RARS2: variants seen among roughly 807,000 people sequenced by gnomAD.
RARS2 encodes probable arginine--tRNA ligase, mitochondrial.
A neutral mutation model predicts 88.5 loss-of-function variants in RARS2; 67 were observed. That is an observed-to-expected ratio of 0.76 (90% CI 0.62 to 0.93). The LOEUF (loss-of-function observed/expected upper bound fraction) is 0.93. Ranked by LOEUF, RARS2 falls within the 40% of genes least tolerant of loss-of-function variation. RARS2 has a pLI of 0.00. For synonymous variants in RARS2, 239 were observed against 230.3 expected (o/e 1.04, Z -0.34); for missense variants, 664 against 684.2 (o/e 0.97, Z 0.33).
At chr6:87,550,280 T>C (rs1332175756) in intron 5 of RARS2, among the ~76,000 whole-genome samples, 2 of 152,242 alleles carry the variant, frequency 1.3e-5, no homozygotes, top group Non-Finnish European at 2.9e-5. Context: ...ATCTGGACAA[T>C]AGTCAGTGAA....
intron 4 of RARS2, among the ~76,000 whole-genome samples, 160 bp downstream of exon 4, chr6:87,562,542 T>G (rs1562211724): frequency 3.3e-5 from 5 of 151,926 alleles, no homozygotes; most frequent in Admixed American, 1.3e-4. Flanking sequence ...AAAGGATGAG[T>G]AGGTGTTAAC....
In RARS2 at chr6:87,516,945, T is replaced by G. The variant is rs997244220; in HGVS notation, c.1512-65A>C. On this transcript the variant is annotated intron_variant, in intron 17 of 19. Transcript: ENST00000369536. Reference sequence around the variant, plus strand: ...CACATTACACTAAGACATTAGACATTAAAAGATTGTGAATATAAGGTTGAC... The same window carrying G: ...CACATTACACTAAGACATTAGACATGAAAAGATTGTGAATATAAGGTTGAC... The G allele has an allele frequency of 5.0e-6, 8 of 1,600,746 alleles. No homozygotes were observed. The African/African-American group carries it at 1.1e-4, about 21-fold the overall frequency.
At chr6:87,554,685 C>T (rs556332258) in intron 5 of RARS2, among the ~76,000 whole-genome samples, 1 of 152,180 alleles carries the variant, frequency 6.6e-6, no homozygotes, top group East Asian at 1.9e-4. Flanking sequence ...AACTCTTGGC[C>T]TCAAGTGATC....
At chr6:87,537,968 T>C (rs1182146700) in intron 8 of RARS2, among the ~76,000 whole-genome samples, 3 of 152,222 alleles carry the variant, frequency 2.0e-5, no homozygotes, top group Non-Finnish European at 2.9e-5. Flanking sequence ...ATTAAATAAA[T>C]TGAGTTGTTG....
intron 8 of RARS2, among the ~76,000 whole-genome samples, chr6:87,532,488 T>G (rs1777834042): frequency 6.6e-6 from 1 of 152,230 alleles, no homozygotes; most frequent in Non-Finnish European, 1.5e-5. Context: ...ATAAAAACCT[T>G]GGACACAGGG....
intron 10 of RARS2, among the ~76,000 whole-genome samples, chr6:87,528,069 A>T (rs1776319436): frequency 6.6e-6 from 1 of 151,726 alleles, no homozygotes. Context: ...AACATAAAAA[A>T]AAAAAAAAAG....
intron 1 of RARS2, among the ~76,000 whole-genome samples, chr6:87,572,059 A>G (rs1276922367): frequency 6.6e-6 from 1 of 151,644 alleles, no homozygotes; most frequent in Non-Finnish European, 1.5e-5. Context: ...TTTCTAGAAC[A>G]GAAACATCAG....
chr6:87,573,609 T>C (rs1411588477), intron 1 of RARS2, among the ~76,000 whole-genome samples: 3 of 152,126 alleles, frequency 2.0e-5, no homozygotes, highest in Non-Finnish European at 2.9e-5. Flanking sequence ...ACAATGTAAA[T>C]GTACCTAATG....
chr6:87,516,854 GA>G lies in RARS2; in HGVS notation c.1537del (p.Ser513LeufsTer14). ...LRFDEVLYKS[S>X]QDFQPRHIVS... is the part of the protein sequence containing the mutation. ...GATATGCCTGGGTTGAAAGTCCTGA[GA>G]TGATTTATAAAGCACCTCGTCGAAC... On this transcript the variant is annotated frameshift_variant, in exon 18 of 20. Coordinates refer to ENST00000369536, the MANE Select transcript of RARS2 (RefSeq NM_020320.5). LOFTEE classifies it high-confidence loss of function. 1 of 1,613,842 alleles carries G rather than the reference GA, an allele frequency of 6.2e-7. No individual in the cohort carries two copies. The highest frequency in any genetic ancestry group is 8.5e-7 in the Non-Finnish European group (1 of 1,179,858).
At chr6:87,582,826 TCAAGAAAGC>T (rs1774018687) in intron 1 of RARS2, among the ~76,000 whole-genome samples, 1 of 152,070 alleles carries the variant, frequency 6.6e-6, no homozygotes, top group Non-Finnish European at 1.5e-5. Context: ...ATCAGCAGAG[TCAAGAAAGC>T]CGGTCTTCCT....
chr6:87,578,493 CA>C (rs149724530), intron 1 of RARS2, among the ~76,000 whole-genome samples: 10,737 of 152,178 alleles, frequency 0.071, 409 homozygotes, highest in East Asian at 0.095. Flanking sequence ...TTTCGCTTAC[CA>C]AACCACAACT....
chr6:87,583,591 A>G (rs1049225674), intron 1 of RARS2, among the ~76,000 whole-genome samples: 2 of 69,260 alleles, frequency 2.9e-5, no homozygotes, highest in African/African-American at 1.1e-4. Context: ...CTGCGTCTCA[A>G]AAAAAAAAAA....
At chr6:87,572,928 A>G (rs1770243561) in intron 1 of RARS2, among the ~76,000 whole-genome samples, 1 of 151,846 alleles carries the variant, frequency 6.6e-6, no homozygotes, top group African/African-American at 2.4e-5. Flanking sequence ...GTAAACATAT[A>G]TATATACATA....
chr6:87,518,382 A>C (rs1772520410), intron 16 of RARS2, 118 bp from the exon 17 acceptor site: 1 of 1,559,802 alleles, frequency 6.4e-7, no homozygotes, highest in Admixed American at 1.9e-5. Flanking sequence ...TAATATCCAT[A>C]CACAGTGGAG....
At chr6:87,553,726 T>G (rs539205089) in intron 5 of RARS2, among the ~76,000 whole-genome samples, 1 of 152,230 alleles carries the variant, frequency 6.6e-6, no homozygotes, top group South Asian at 2.1e-4. Context: ...ATGGCCTTAG[T>G]GTAGTTCCTC....
rs1786925968 is a variant in RARS2, at chr6:87,558,975, A to G, written c.298-3470T>C. On this transcript the variant is annotated intron_variant, in intron 4 of 19. Coordinates refer to ENST00000369536, the MANE Select transcript of RARS2 (RefSeq NM_020320.5). ...CCCCTGAAGACTTTCCAGTGGGACAAGATGTGGAGGTGAAGACAGTGATAT... is the reference window on the plus strand; with the variant it reads ...CCCCTGAAGACTTTCCAGTGGGACAGGATGTGGAGGTGAAGACAGTGATAT... Among the ~76,000 whole-genome samples, 3 of 152,208 alleles carry G rather than the reference A, an allele frequency of 2.0e-5. 1 individual carries two copies. The South Asian group carries it at 6.2e-4, about 31-fold the overall frequency.
chr6:87,575,958 C>G (rs1315670437), intron 1 of RARS2, among the ~76,000 whole-genome samples: 1 of 151,686 alleles, frequency 6.6e-6, no homozygotes, highest in Non-Finnish European at 1.5e-5. Context: ...ACCCACCATG[C>G]CCAGCTAATT....
chr6:87,537,895 G>A (rs1044468468), intron 8 of RARS2, among the ~76,000 whole-genome samples: 4 of 152,176 alleles, frequency 2.6e-5, no homozygotes, highest in Admixed American at 2.0e-4. Flanking sequence ...ATGGGGCAGA[G>A]TCTCTGTATT....
At chr6:87,576,952 G>A (rs1047986381) in intron 1 of RARS2, among the ~76,000 whole-genome samples, 6 of 152,114 alleles carry the variant, frequency 3.9e-5, no homozygotes, top group African/African-American at 1.4e-4. Context: ...ATAATTTAAC[G>A]GTGATATTAT....
Sources: gnomAD v4.1 joint callset for allele counts (sites outside exome capture counted in the v4.1 genomes callset) on GRCh38, gnomAD v4.1.1 for gene constraint, MANE v1.5 for transcripts, NCBI Gene and HGNC (gene_info 2026-07-23, HGNC 2026-07-21) for gene names.